Variants in SHC3 observed in about 807,000 individuals in gnomAD.
SHC3 encodes the protein SHC adaptor protein 3.
Under a neutral mutation model 60.4 loss-of-function variants are expected in SHC3, and 15 were observed. The ratio of observed to expected loss-of-function variants is 0.25; its 90% CI spans 0.17 to 0.38. The LOEUF is 0.38. Among genes scored for constraint, SHC3 ranks in the 10% least tolerant of loss-of-function variants. The pLI, the probability that SHC3 is intolerant of heterozygous loss-of-function variation, is 1.00. For missense variants in SHC3, 677 were observed against 786.1 expected, an observed-to-expected ratio of 0.86 and a Z score of 1.66; for synonymous variants, 294 against 325.9, an observed-to-expected ratio of 0.90 and a Z score of 1.05.
rs1420825193 is a variant in SHC3 at position 89,009,252 on chromosome 9, T to A, written c.*4195A>T. ...GGAGCTGACAGTTCTAGGTTGGCACTATGTCCAGGAGTGGGTTTGTCCTCT... is the reference window on the plus strand; with the variant it reads ...GGAGCTGACAGTTCTAGGTTGGCACAATGTCCAGGAGTGGGTTTGTCCTCT... On this transcript the variant is annotated 3_prime_UTR_variant, in exon 12 of 12. Coordinates refer to ENST00000375835, the MANE Select transcript of SHC3 (RefSeq NM_016848.6). 3.3e-5 allele frequency: 5 copies of A among 152,232 alleles called. No homozygotes were observed. The highest frequency in any genetic ancestry group is 7.2e-5 in the African/African-American group (3 of 41,442). 9.4% of individuals were successfully genotyped at this position (152,232 alleles called of 1,614,324 possible). A position where few individuals can be genotyped will look rare whatever the true frequency, so the allele number is the denominator to read the frequency against.
chr9:89,131,223 C>G (rs955905996), intron 1 of SHC3, among the ~76,000 whole-genome samples: 1 of 152,144 alleles, frequency 6.6e-6, no homozygotes, highest in African/African-American at 2.4e-5. Context: ...AGTTGAATCC[C>G]TGAATAGACC....
chr9:89,109,861 G>A (rs1194568642), intron 2 of SHC3: 20 of 985,442 alleles, frequency 2.0e-5, no homozygotes, highest in Non-Finnish European at 2.4e-5. Flanking sequence ...TCTAAGCAAA[G>A]TCTCTCCCAT....
At chr9:89,027,277 T>C (rs150021366) in intron 11 of SHC3, among the ~76,000 whole-genome samples, 1 of 152,184 alleles carries the variant, frequency 6.6e-6, no homozygotes, top group African/African-American at 2.4e-5. Context: ...TTAATTTTGC[T>C]TGATTTTGAA....
At chr9:89,056,139 G>A (rs1373889214) in intron 6 of SHC3, among the ~76,000 whole-genome samples, 1 of 152,216 alleles carries the variant, frequency 6.6e-6, no homozygotes, top group Non-Finnish European at 1.5e-5. Context: ...TGGAAGGGCT[G>A]ATTTCTTATC....
chr9:89,038,339 TGATA>T, intron 10 of SHC3, 51 bp from the exon 11 acceptor site: 5 of 1,074,658 alleles, frequency 4.7e-6, no homozygotes, highest in South Asian at 2.6e-5. Context: ...GAAGAGCAAA[TGATA>T]AAAAAAAAAA....
At chr9:89,171,160 A>G (rs1826863431) in intron 1 of SHC3, among the ~76,000 whole-genome samples, 1 of 152,344 alleles carries the variant, frequency 6.6e-6, no homozygotes, top group Non-Finnish European at 1.5e-5. Context: ...TAAGAGGCCC[A>G]GAGTATACAG....
At chr9:89,142,602 A>G (rs1195722151) in intron 1 of SHC3, among the ~76,000 whole-genome samples, 1 of 149,088 alleles carries the variant, frequency 6.7e-6, no homozygotes, top group African/African-American at 2.5e-5. Context: ...AATCACTTGA[A>G]CCCAGGAGGA....
chr9:89,092,762 ATGTGTG>A (rs776822452), intron 2 of SHC3, among the ~76,000 whole-genome samples: 1 of 136,660 alleles, frequency 7.3e-6, no homozygotes, highest in Non-Finnish European at 1.6e-5. Flanking sequence ...GTGTGTGTGT[ATGTGTG>A]TGTGTGTGTA....
In SHC3 at chr9:89,049,603, T is replaced by C. The variant is rs573954808; in HGVS notation, c.962+2434A>G. On this transcript the variant is annotated intron_variant, in intron 7 of 11. Transcript: ENST00000375835. ...ATCCCCCATGGAGATTAAATAAGTG[T>C]TAACCTTTTGATCTATTATGTTAAA... 3.3e-5 allele frequency among the ~76,000 whole-genome samples: 5 copies of C among 152,376 alleles called. No individual in the cohort carries two copies. In the East Asian group the frequency reaches 9.6e-4, roughly 29 times the overall value.
chr9:89,084,347 A>G (rs747231600), intron 2 of SHC3, among the ~76,000 whole-genome samples: 73 of 152,352 alleles, frequency 4.8e-4, no homozygotes, highest in South Asian at 1.0e-3. Context: ...CAGATGTCAA[A>G]AAAAGTATCC....
intron 6 of SHC3, among the ~76,000 whole-genome samples, chr9:89,056,958 G>A (rs774836791): frequency 5.9e-5 from 9 of 152,242 alleles, no homozygotes; most frequent in Non-Finnish European, 8.8e-5. Flanking sequence ...CCCAGGTGCT[G>A]TCCATCAGCC....
At chr9:89,090,564 G>A (rs1825605896) in intron 2 of SHC3, among the ~76,000 whole-genome samples, 1 of 152,328 alleles carries the variant, frequency 6.6e-6, no homozygotes, top group South Asian at 2.1e-4. Context: ...CCCAGGAGGT[G>A]AGGCTGCACA....
intron 1 of SHC3, among the ~76,000 whole-genome samples, chr9:89,159,733 A>C (rs1166031126): frequency 6.6e-6 from 1 of 152,238 alleles, no homozygotes; most frequent in Non-Finnish European, 1.5e-5. Context: ...AGCATCCAGC[A>C]CAGGAGAAAG....
Position 89,006,493 on chromosome 9 carries a change from T to C in SHC3, c.*6954A>G, listed in dbSNP as rs1320985721. ...CCAGCACAAAGTAGAAAGTGGTGAA[T>C]TGGCAATACGCCAAGACATAGACTG... On this transcript the variant is annotated 3_prime_UTR_variant, in exon 12 of 12. Transcript: ENST00000375835. 6.6e-6 allele frequency: 1 copy of C among 152,248 alleles called. No homozygotes were observed. The highest frequency in any genetic ancestry group is 1.5e-5 in the Non-Finnish European group (1 of 68,044). 9.4% of individuals were successfully genotyped at this position (152,248 alleles called of 1,614,324 possible).
intron 1 of SHC3, among the ~76,000 whole-genome samples, chr9:89,146,417 A>C (rs1826470733): frequency 1.3e-5 from 2 of 152,164 alleles, no homozygotes; most frequent in African/African-American, 4.8e-5. Flanking sequence ...TCCCTGAAAG[A>C]ATTAACTGAG....
chr9:89,174,498 G>A (rs1465889341), intron 1 of SHC3, among the ~76,000 whole-genome samples: 3 of 152,198 alleles, frequency 2.0e-5, no homozygotes, highest in African/African-American at 7.2e-5. Flanking sequence ...TTTATGAATG[G>A]CGTAATCTGC....
At chr9:89,177,952 C>A in intron 1 of SHC3, 35 bp downstream of exon 1, 1 of 1,198,302 alleles carries the variant, frequency 8.3e-7, no homozygotes, top group South Asian at 4.1e-5. Context: ...GCCCCAGAAC[C>A]CCCAGCCCCC....
At chr9:89,126,310 G>A (rs952003650) in intron 1 of SHC3, among the ~76,000 whole-genome samples, 8 of 152,182 alleles carry the variant, frequency 5.3e-5, no homozygotes, top group African/African-American at 1.9e-4. Context: ...GCCCAACTTA[G>A]GAAGGTTAGA....
At chr9:89,035,858 T>TA (rs1227111803) in intron 11 of SHC3, among the ~76,000 whole-genome samples, 1,912 of 88,550 alleles carry the variant, frequency 0.022, 75 homozygotes, top group African/African-American at 0.091. Context: ...TAGATGTGTG[T>TA]GTGTGTGTGT....
Sources: gnomAD v4.1 joint callset for allele counts (sites outside exome capture counted in the v4.1 genomes callset) on GRCh38, gnomAD v4.1.1 for gene constraint, MANE v1.5 for transcripts, NCBI Gene and HGNC (gene_info 2026-07-23, HGNC 2026-07-21) for gene names.